The following TENM1 variants were observed in gnomAD, a reference collection of about 807,000 sequenced individuals.
The protein encoded by TENM1 is teneurin-1.
A neutral mutation model predicts 174.8 loss-of-function variants in TENM1; 35 were observed. The observed-to-expected ratio is 0.20, with a 90% CI of 0.15 to 0.27. TENM1 has a LOEUF of 0.27. Ranked by LOEUF, TENM1 falls within the 10% of genes least tolerant of loss-of-function variation. The pLI is 1.00. For missense variants in TENM1, 1,633 were observed against 2,130.1 expected, an observed-to-expected ratio of 0.77 and a Z score of 4.59; for synonymous variants, 781 against 798.7, an observed-to-expected ratio of 0.98 and a Z score of 0.37.
At chrX:125,085,905 A>C in the TENM1 span, among the ~76,000 whole-genome samples, 2 of 110,729 alleles carry the variant, frequency 1.8e-5, no homozygotes, top group African/African-American at 6.5e-5. Flanking sequence ...TATGCTTATG[A>C]TTAGAAAATA....
the TENM1 span, among the ~76,000 whole-genome samples, chrX:125,116,732 C>T: frequency 0.074 from 8,285 of 112,169 alleles, 230 homozygotes; most frequent in Middle Eastern, 0.16. Context: ...CAGCAAACGG[C>T]TGGGCATGGT....
intron 15 of TENM1, among the ~76,000 whole-genome samples, chrX:124,544,650 T>A (rs1168577360): frequency 1.8e-5 from 2 of 112,154 alleles, no homozygotes; most frequent in Admixed American, 1.9e-4. Context: ...AAATGTCATT[T>A]GGTTTCTAAG....
intron 3 of TENM1, among the ~76,000 whole-genome samples, chrX:124,807,860 T>A (rs1395882133): frequency 2.1e-5 from 2 of 94,850 alleles, no homozygotes; most frequent in Non-Finnish European, 4.2e-5. Context: ...TCAAAATATA[T>A]CACTAGAGAA....
At chrX:124,588,395 C>G (rs924007327) in intron 11 of TENM1, among the ~76,000 whole-genome samples, 1 of 111,309 alleles carries the variant, frequency 9.0e-6, no homozygotes, top group African/African-American at 3.3e-5. Context: ...TTTGTAGGGA[C>G]GTGGATGAAA....
chrX:124,819,800 C>G (rs756177844), intron 3 of TENM1, among the ~76,000 whole-genome samples: 15 of 102,518 alleles, frequency 1.5e-4, no homozygotes, highest in Non-Finnish European at 2.6e-4. Flanking sequence ...CTTTCCTTTC[C>G]TTTTTTTTTT....
chrX:125,028,658 C>T, the TENM1 span, among the ~76,000 whole-genome samples: 3 of 111,607 alleles, frequency 2.7e-5, no homozygotes, highest in African/African-American at 9.8e-5. Context: ...CAAACCTGCA[C>T]ATGCACCTTT....
chrX:124,933,435 G>C (rs1049055874), intron 1 of TENM1, among the ~76,000 whole-genome samples: 1 of 112,192 alleles, frequency 8.9e-6, no homozygotes, highest in African/African-American at 3.2e-5. Context: ...AGAGTGATTA[G>C]AACAGTCTTG....
intron 1 of TENM1, among the ~76,000 whole-genome samples, chrX:124,943,186 A>G (rs1049827160): frequency 5.4e-5 from 6 of 111,311 alleles, no homozygotes; most frequent in African/African-American, 2.0e-4. Flanking sequence ...AAAGAAGCAA[A>G]ATTGAAAGCA....
intron 18 of TENM1, among the ~76,000 whole-genome samples, chrX:124,509,246 G>A (rs780186427): frequency 1.8e-5 from 2 of 111,053 alleles, no homozygotes; most frequent in Non-Finnish European, 3.8e-5. Flanking sequence ...TATAGGGGAG[G>A]GCATTCTAGG....
At chrX:124,414,745 A>G (rs763448068) in intron 25 of TENM1, among the ~76,000 whole-genome samples, 1 of 111,775 alleles carries the variant, frequency 8.9e-6, no homozygotes, top group Admixed American at 9.5e-5. Context: ...TCCCATTTGG[A>G]TTATCCACTG....
intron 11 of TENM1, among the ~76,000 whole-genome samples, chrX:124,578,849 A>G (rs1410013532): frequency 8.9e-6 from 1 of 111,817 alleles, no homozygotes; most frequent in East Asian, 2.8e-4. Context: ...TACCTTTCCA[A>G]TATTTTCCCA....
chrX:125,189,176 CA>C, the TENM1 span, among the ~76,000 whole-genome samples: 2 of 111,917 alleles, frequency 1.8e-5, no homozygotes, highest in Non-Finnish European at 3.8e-5. Context: ...AGGAGTGTGT[CA>C]CCCCATTTAT....
At chrX:124,786,214 T>C (rs955569728) in intron 3 of TENM1, among the ~76,000 whole-genome samples, 56 of 111,286 alleles carry the variant, frequency 5.0e-4, no homozygotes, top group African/African-American at 1.8e-3. Context: ...GGGAAGCAGT[T>C]GATATTTGTA....
At chrX:124,562,023 C>A (rs1484648472) in intron 13 of TENM1, among the ~76,000 whole-genome samples, 2 of 112,007 alleles carry the variant, frequency 1.8e-5, no homozygotes, top group Non-Finnish European at 3.8e-5. Context: ...CTTAGAGAGC[C>A]AATTAAGCTT....
chrX:124,751,969 T>C (rs2054084478), intron 3 of TENM1, among the ~76,000 whole-genome samples: 1 of 110,872 alleles, frequency 9.0e-6, no homozygotes, highest in Non-Finnish European at 1.9e-5. Flanking sequence ...CATGTGTCTT[T>C]ATAGCGGCAT....
At chrX:125,175,942 G>A in the TENM1 span, among the ~76,000 whole-genome samples, 1 of 111,480 alleles carries the variant, frequency 9.0e-6, no homozygotes, top group African/African-American at 3.3e-5. Context: ...TATTCATAGC[G>A]CTAACGACAT....
At chrX:124,833,947 G>A (rs1012201624) in intron 3 of TENM1, among the ~76,000 whole-genome samples, 8 of 110,456 alleles carry the variant, frequency 7.2e-5, no homozygotes, top group Non-Finnish European at 1.5e-4. Flanking sequence ...GATAGTAAAT[G>A]GTATTGCTGG....
the TENM1 span, among the ~76,000 whole-genome samples, chrX:125,027,620 T>C: frequency 0.037 from 3,640 of 99,120 alleles, 181 homozygotes; most frequent in African/African-American, 0.13. Context: ...TCTTTTTTTT[T>C]TTTTTTTTTT....
At chrX:124,420,414 T>C (rs200294720) in exon 25 of TENM1, 2 of 1,212,138 alleles carry the variant, frequency 1.6e-6, no homozygotes, top group Non-Finnish European at 2.2e-6. Context: ...GCTGACACTC[T>C]TTTCAGGACT....
Sources: allele counts gnomAD v4.1 joint callset (sites outside exome capture counted in the v4.1 genomes callset), GRCh38; gene constraint gnomAD v4.1.1; transcripts MANE v1.5; gene names NCBI Gene and HGNC (gene_info 2026-07-23, HGNC 2026-07-21).